Variants in AFG1L observed in about 807,000 individuals in gnomAD.
AFG1L encodes AFG1 like ATPase.
AFG1L carries 53 observed loss-of-function variants against 62.2 expected under a neutral mutation model. The ratio of observed to expected loss-of-function variants is 0.85; its 90% CI spans 0.68 to 1.07. The LOEUF (loss-of-function observed/expected upper bound fraction) is 1.07, where lower values mean the gene tolerates loss of function less well. AFG1L is among the 50% of genes least tolerant of loss of function. The probability of loss-of-function intolerance (pLI) is 0.00; values close to 1 mark genes in which losing one functional copy is unlikely to be tolerated. For synonymous variants in AFG1L, 228 were observed against 210.3 expected (o/e 1.08, Z -0.73); for missense variants, 555 against 590.5 (o/e 0.94, Z 0.62).
At chr6:108,465,975 T>C (rs1039051236) in intron 8 of AFG1L, among the ~76,000 whole-genome samples, 1 of 152,168 alleles carries the variant, frequency 6.6e-6, no homozygotes, top group African/African-American at 2.4e-5. Context: ...TCAGCCTCCC[T>C]AGTAGCTGAG....
chr6:108,475,247 T>C (rs1021448106), intron 8 of AFG1L, among the ~76,000 whole-genome samples: 2 of 152,232 alleles, frequency 1.3e-5, no homozygotes, highest in Non-Finnish European at 1.5e-5. Context: ...CATTGGTCTA[T>C]GTGTCTGTAT....
chr6:108,335,612 C>A (rs1379438140), intron 2 of AFG1L, among the ~76,000 whole-genome samples: 1 of 152,220 alleles, frequency 6.6e-6, no homozygotes, highest in Non-Finnish European at 1.5e-5. Context: ...CCACCTCTTT[C>A]TTTTGATGAA....
intron 6 of AFG1L, among the ~76,000 whole-genome samples, chr6:108,393,318 AT>A (rs1456944221): frequency 6.6e-6 from 1 of 152,130 alleles, no homozygotes; most frequent in African/African-American, 2.4e-5. Flanking sequence ...TTAGCACGAT[AT>A]TTGAATTACA....
chr6:108,412,515 G>A (rs1244022246), intron 7 of AFG1L, among the ~76,000 whole-genome samples: 2 of 152,214 alleles, frequency 1.3e-5, no homozygotes, highest in Non-Finnish European at 2.9e-5. Context: ...CAGCCAGAGA[G>A]AAAGGTTGGG....
At position 108,323,860 on chromosome 6, in the gene AFG1L, A is replaced by C. The variant is rs1582373429; in HGVS notation, c.175A>C (p.Thr59Pro). The change falls in exon 2 of 13, where the codon ACT becomes CCT. Residue 59 changes from threonine (T) to proline (P), a missense_variant. Coordinates refer to ENST00000368977, the MANE Select transcript of AFG1L (RefSeq NM_145315.5). Reference sequence around the variant, plus strand: ...TCAGACATCCGAGAGCATGACCCCAACTGCCACTTCAGAGACTTATTTGAA... The same window carrying C: ...TCAGACATCCGAGAGCATGACCCCACCTGCCACTTCAGAGACTTATTTGAA... ...TVQTSESMTP[T>P]ATSETYLKAL... is the part of the protein sequence containing the mutation. 3.7e-6 allele frequency: 6 copies of C among 1,614,016 alleles called. No homozygotes were observed. Among genetic ancestry groups the C allele is most frequent in the Non-Finnish European group, 4.2e-6 (5 of 1,180,008 alleles).
At chr6:108,363,680 A>G (rs1206803546) in intron 5 of AFG1L, among the ~76,000 whole-genome samples, 1 of 152,026 alleles carries the variant, frequency 6.6e-6, no homozygotes, top group Non-Finnish European at 1.5e-5. Context: ...GGGACACTAA[A>G]TAGATGTTTT....
chr6:108,300,763 C>T (rs1776964250), intron 1 of AFG1L, among the ~76,000 whole-genome samples: 1 of 151,752 alleles, frequency 6.6e-6, no homozygotes, highest in African/African-American at 2.4e-5. Context: ...ACCTCCGTCT[C>T]ACAGGTTCAA....
At chr6:108,353,217 C>T (rs1323744499) in intron 3 of AFG1L, among the ~76,000 whole-genome samples, 4 of 150,008 alleles carry the variant, frequency 2.7e-5, no homozygotes, top group Non-Finnish European at 4.4e-5. Context: ...TGCAGTAGCA[C>T]GATCATAGCT....
At chr6:108,389,531 A>C (rs1211148137) in intron 6 of AFG1L, among the ~76,000 whole-genome samples, 1 of 151,992 alleles carries the variant, frequency 6.6e-6, no homozygotes, top group Non-Finnish European at 1.5e-5. Flanking sequence ...GTTCCTTTCC[A>C]TGTTTAGTGC....
At chr6:108,305,484 C>G (rs972876909) in intron 1 of AFG1L, among the ~76,000 whole-genome samples, 1 of 152,180 alleles carries the variant, frequency 6.6e-6, no homozygotes, top group Non-Finnish European at 1.5e-5. Flanking sequence ...CTTCTGGGCT[C>G]ATGTGAGCCT....
intron 6 of AFG1L, among the ~76,000 whole-genome samples, chr6:108,394,090 C>T (rs1488473917): frequency 7.0e-6 from 1 of 143,164 alleles, no homozygotes; most frequent in Non-Finnish European, 1.5e-5. Context: ...TCTCTTTTCT[C>T]TTTCTCTCTT....
intron 6 of AFG1L, among the ~76,000 whole-genome samples, chr6:108,394,132 T>C (rs1389469228): frequency 6.5e-4 from 79 of 122,356 alleles, no homozygotes; most frequent in African/African-American, 2.4e-3. Context: ...TCCCTTCCCT[T>C]CCCCTCCCCT....
chr6:108,485,938 G>T (rs1773556308), intron 10 of AFG1L, among the ~76,000 whole-genome samples: 1 of 151,462 alleles, frequency 6.6e-6, no homozygotes, highest in African/African-American at 2.4e-5. Context: ...CTTCCAAAGT[G>T]CTGGGATTAC....
chr6:108,415,108 G>A (rs576672498), intron 7 of AFG1L, among the ~76,000 whole-genome samples: 10 of 152,276 alleles, frequency 6.6e-5, no homozygotes, highest in African/African-American at 2.4e-4. Flanking sequence ...AAAATCACAG[G>A]CATTCCTCTA....
At position 108,447,277 on chromosome 6, in the gene AFG1L, G is replaced by A; in HGVS notation, c.871G>A (p.Ala291Thr). 1.2e-6 allele frequency: 2 copies of A among 1,602,448 alleles called. No homozygotes were observed. The highest frequency in any genetic ancestry group is 1.7e-6 in the Non-Finnish European group (2 of 1,169,694). Reference sequence around the variant, plus strand: ...TTACCGGAAAAGGGAACTTCCTGCTGCAGGAAAACTCTACTACCTGTAAGT... The same window carrying A: ...TTACCGGAAAAGGGAACTTCCTGCTACAGGAAAACTCTACTACCTGTAAGT... ...IDYRKRELPA[A>T]GKLYYLTSEA... The change falls in exon 8 of 13, where the codon GCA (alanine) becomes ACA (threonine). Residue 291 changes from alanine (A) to threonine (T), a missense_variant. Coordinates refer to ENST00000368977, the MANE Select transcript of AFG1L (RefSeq NM_145315.5).
chr6:108,483,106 G>C (rs1773391886), intron 10 of AFG1L, among the ~76,000 whole-genome samples: 1 of 152,028 alleles, frequency 6.6e-6, no homozygotes, highest in Non-Finnish European at 1.5e-5. Context: ...CAATAGATTG[G>C]ATGTAAAAAT....
At chr6:108,414,094 C>T (rs766754614) in intron 7 of AFG1L, among the ~76,000 whole-genome samples, 2 of 152,158 alleles carry the variant, frequency 1.3e-5, no homozygotes, top group Non-Finnish European at 2.9e-5. Context: ...TGGGACATCA[C>T]CACCGATCCC....
chr6:108,513,132 G>A (rs1461878502), intron 11 of AFG1L, among the ~76,000 whole-genome samples: 1 of 152,164 alleles, frequency 6.6e-6, no homozygotes, highest in Non-Finnish European at 1.5e-5. Context: ...GTTTTGTATG[G>A]TGGAGCCAAG....
chr6:108,399,510 C>T (rs1185919293), intron 6 of AFG1L, among the ~76,000 whole-genome samples: 1 of 151,570 alleles, frequency 6.6e-6, no homozygotes, highest in Non-Finnish European at 1.5e-5. Context: ...TGGTTAATTC[C>T]TAGGTATTTG....
Sources: allele counts gnomAD v4.1 joint callset (sites outside exome capture counted in the v4.1 genomes callset), GRCh38; gene constraint gnomAD v4.1.1; transcripts MANE v1.5; gene names NCBI Gene and HGNC (gene_info 2026-07-23, HGNC 2026-07-21).